The following LSAMP variants were observed in gnomAD, a reference collection of about 807,000 sequenced individuals.
LSAMP encodes limbic system-associated membrane protein.
Under a neutral mutation model 38.6 loss-of-function variants are expected in LSAMP, and 7 were observed. The observed-to-expected ratio is 0.18, with a 90% CI of 0.10 to 0.34. The LOEUF is 0.34. LSAMP is among the 10% of genes least tolerant of loss of function. LSAMP has a pLI of 1.00. For synonymous variants in LSAMP, 154 were observed against 166.8 expected (o/e 0.92, Z 0.59); for missense variants, 313 against 420.0 (o/e 0.75, Z 2.23).
intron 1 of LSAMP, among the ~76,000 whole-genome samples, chr3:116,154,164 TA>T (rs1461979540): frequency 1.3e-5 from 2 of 152,192 alleles, no homozygotes; most frequent in East Asian, 1.9e-4. Context: ...AGCAATATGC[TA>T]AAAGAAACGT....
chr3:115,857,831 G>C (rs1181975447), intron 3 of LSAMP, among the ~76,000 whole-genome samples: 1 of 152,164 alleles, frequency 6.6e-6, no homozygotes, highest in East Asian at 1.9e-4. Flanking sequence ...AAGTCAGAAA[G>C]AAGGGCCTAG....
intron 1 of LSAMP, among the ~76,000 whole-genome samples, chr3:116,349,508 C>T (rs1462750707): frequency 6.7e-6 from 1 of 149,186 alleles, no homozygotes; most frequent in Non-Finnish European, 1.5e-5. Flanking sequence ...CACACTCTCT[C>T]TCTCTCTCTC....
At chr3:116,088,930 A>G (rs1345700301) in intron 1 of LSAMP, among the ~76,000 whole-genome samples, 1 of 152,248 alleles carries the variant, frequency 6.6e-6, no homozygotes, top group Non-Finnish European at 1.5e-5. Context: ...TGGGTCACAC[A>G]TGCAGATACA....
rs114064988 is a variant in LSAMP, at chr3:116,114,997, G to A, written c.156-28441C>T. 2.3e-3 allele frequency among the ~76,000 whole-genome samples: 347 copies of A among 152,216 alleles called. 1 individual carries two copies. Among genetic ancestry groups the A allele is most frequent in the African/African-American group, 7.8e-3 (326 of 41,550 alleles). ...GCTTTTCAATAGGATTTTATGAAGTGGAATTGTTTTGCATGTTATTCACCT... is the reference window on the plus strand; with the variant it reads ...GCTTTTCAATAGGATTTTATGAAGTAGAATTGTTTTGCATGTTATTCACCT... On this transcript the variant is annotated intron_variant, in intron 1 of 6. Transcript: ENST00000490035.
At chr3:116,031,934 T>C (rs186660725) in intron 2 of LSAMP, among the ~76,000 whole-genome samples, 328 of 152,172 alleles carry the variant, frequency 2.2e-3, no homozygotes, top group African/African-American at 7.8e-3. Context: ...ATTATAATAA[T>C]GATAGAAAAC....
At chr3:116,184,010 ACAT>A (rs1192342324) in intron 1 of LSAMP, among the ~76,000 whole-genome samples, 7 of 151,796 alleles carry the variant, frequency 4.6e-5, no homozygotes, top group Non-Finnish European at 1.0e-4. Context: ...GGAGGAAAAA[ACAT>A]CATCATATGT....
chr3:116,406,904 C>T (rs777462610), intron 1 of LSAMP, among the ~76,000 whole-genome samples: 19 of 151,388 alleles, frequency 1.3e-4, no homozygotes, highest in Admixed American at 2.0e-4. Context: ...AAAGAGAAAG[C>T]GCAAAGGAAG....
chr3:116,253,553 A>G (rs928953767), intron 1 of LSAMP, among the ~76,000 whole-genome samples: 16 of 152,204 alleles, frequency 1.1e-4, no homozygotes, highest in Non-Finnish European at 2.2e-4. Flanking sequence ...AGCACTACAT[A>G]ATGTTAAGCA....
chr3:116,148,519 A>C (rs1044177095), intron 1 of LSAMP, among the ~76,000 whole-genome samples: 2 of 152,016 alleles, frequency 1.3e-5, no homozygotes, highest in African/African-American at 4.8e-5. Flanking sequence ...ATAGCAAATA[A>C]AAGTTGTTTG....
intron 1 of LSAMP, among the ~76,000 whole-genome samples, chr3:116,219,475 A>G (rs1031537976): frequency 1.3e-5 from 2 of 152,182 alleles, no homozygotes; most frequent in African/African-American, 4.8e-5. Flanking sequence ...CATACCTATA[A>G]TTCAATTTCT....
chr3:116,301,798 T>G (rs2047412464), intron 1 of LSAMP, among the ~76,000 whole-genome samples: 2 of 152,212 alleles, frequency 1.3e-5, no homozygotes, highest in Admixed American at 6.5e-5. Flanking sequence ...AATAGTTTTT[T>G]TCTATAGATA....
intron 1 of LSAMP, among the ~76,000 whole-genome samples, chr3:116,161,127 G>A (rs747273419): frequency 1.3e-5 from 2 of 152,092 alleles, no homozygotes; most frequent in African/African-American, 2.4e-5. Flanking sequence ...GCTAGTGGCT[G>A]CCACATTATA....
intron 1 of LSAMP, among the ~76,000 whole-genome samples, chr3:116,209,175 G>A (rs557970688): frequency 5.3e-5 from 8 of 152,274 alleles, no homozygotes; most frequent in East Asian, 1.9e-4. Flanking sequence ...AGGTGAGTCC[G>A]TCACCCCTTT....
At chr3:116,124,732 G>T (rs1181466929) in intron 1 of LSAMP, among the ~76,000 whole-genome samples, 5 of 152,084 alleles carry the variant, frequency 3.3e-5, no homozygotes, top group Non-Finnish European at 1.5e-5. Context: ...TCCAGTTAAA[G>T]AAATGAAGCT....
At chr3:116,197,776 C>A (rs751463926) in intron 1 of LSAMP, among the ~76,000 whole-genome samples, 2 of 152,124 alleles carry the variant, frequency 1.3e-5, no homozygotes, top group Non-Finnish European at 2.9e-5. Flanking sequence ...ATCTACTGAG[C>A]ACTGGTATGA....
chr3:115,892,533 G>A (rs1050397243), intron 3 of LSAMP, among the ~76,000 whole-genome samples: 1 of 151,924 alleles, frequency 6.6e-6, no homozygotes, highest in African/African-American at 2.4e-5. Flanking sequence ...ACAAAAGCAG[G>A]TAAACAGGGG....
chr3:115,996,246 A>C (rs1355009322), intron 3 of LSAMP, among the ~76,000 whole-genome samples: 10 of 152,128 alleles, frequency 6.6e-5, no homozygotes, highest in Non-Finnish European at 1.5e-4. Flanking sequence ...CAAACCATAG[A>C]ATAGCAGTAA....
At chr3:116,163,636 C>T (rs1373326350) in intron 1 of LSAMP, among the ~76,000 whole-genome samples, 2 of 151,814 alleles carry the variant, frequency 1.3e-5, no homozygotes, top group Non-Finnish European at 2.9e-5. Flanking sequence ...GTTCTAGATC[C>T]CTGAGGAATC....
chr3:115,974,248 G>A (rs1371398404), intron 3 of LSAMP, among the ~76,000 whole-genome samples: 1 of 152,034 alleles, frequency 6.6e-6, no homozygotes, highest in Non-Finnish European at 1.5e-5. Flanking sequence ...GGAGATTGAG[G>A]CAGAAGAATT....
Sources: gnomAD v4.1 joint callset for allele counts (sites outside exome capture counted in the v4.1 genomes callset) on GRCh38, gnomAD v4.1.1 for gene constraint, MANE v1.5 for transcripts, NCBI Gene and HGNC (gene_info 2026-07-23, HGNC 2026-07-21) for gene names.